GPHN: variants seen among roughly 807,000 people sequenced by gnomAD.
GPHN encodes the protein gephyrin.
A neutral mutation model predicts 95.5 loss-of-function variants in GPHN; 17 were observed. The observed-to-expected ratio is 0.18, with a 90% CI of 0.12 to 0.27. The LOEUF (loss-of-function observed/expected upper bound fraction) is 0.27. Among genes scored for constraint, GPHN ranks in the 10% least tolerant of loss-of-function variants. GPHN has a pLI of 1.00. For synonymous variants in GPHN, 320 were observed against 322.5 expected, an observed-to-expected ratio of 0.99 and a Z score of 0.08; for missense variants, 660 against 978.1, an observed-to-expected ratio of 0.67 and a Z score of 4.34.
At chr14:67,420,459 G>C in the GPHN span, among the ~76,000 whole-genome samples, 55 of 152,346 alleles carry the variant, frequency 3.6e-4, no homozygotes, top group African/African-American at 1.3e-3. Flanking sequence ...AGAGATGGTG[G>C]AAGGATTGAA....
the GPHN span, among the ~76,000 whole-genome samples, chr14:67,420,108 T>G: frequency 6.6e-6 from 1 of 152,292 alleles, no homozygotes; most frequent in South Asian, 2.1e-4. Flanking sequence ...AAGGGCCCTC[T>G]CAGTGCAACA....
chr14:66,766,864 C>G (rs1451737974), intron 2 of GPHN, among the ~76,000 whole-genome samples: 2 of 152,032 alleles, frequency 1.3e-5, no homozygotes, highest in Non-Finnish European at 2.9e-5. Context: ...AATCTTGCCT[C>G]TGCTTCCAGT....
the GPHN span, chr14:67,678,352 C>A: frequency 7.4e-6 from 12 of 1,614,074 alleles, no homozygotes; most frequent in Non-Finnish European, 1.0e-5. Context: ...CAGGTCACAA[C>A]TGACGTCCCA....
the GPHN span, chr14:67,584,229 C>T: frequency 1.8e-6 from 2 of 1,128,352 alleles, no homozygotes; most frequent in Non-Finnish European, 2.6e-6. Flanking sequence ...CAGTAACCAC[C>T]AGAGGTCACT....
chr14:66,540,809 T>A (rs1419686140), intron 1 of GPHN, among the ~76,000 whole-genome samples: 1 of 152,224 alleles, frequency 6.6e-6, no homozygotes, highest in African/African-American at 2.4e-5. Context: ...AGTCTTGCAC[T>A]GTTGTCCAGG....
intron 12 of GPHN, among the ~76,000 whole-genome samples, chr14:67,095,938 A>T (rs985974229): frequency 8.8e-5 from 13 of 147,442 alleles, no homozygotes; most frequent in East Asian, 4.0e-4. Context: ...ATAATAATAA[A>T]AAAACAAAAA....
chr14:67,458,911 G>C, the GPHN span, among the ~76,000 whole-genome samples: 5 of 151,924 alleles, frequency 3.3e-5, no homozygotes, highest in Non-Finnish European at 7.4e-5. Flanking sequence ...TTTTGAGATG[G>C]AGTCTTGCTC....
intron 2 of GPHN, among the ~76,000 whole-genome samples, chr14:66,684,643 A>G (rs1038082702): frequency 9.9e-5 from 15 of 152,238 alleles, no homozygotes; most frequent in Non-Finnish European, 1.8e-4. Context: ...GAATGAACCA[A>G]GTGAGCTATT....
chr14:66,892,595 T>A (rs1056197502), intron 5 of GPHN, among the ~76,000 whole-genome samples: 2 of 152,222 alleles, frequency 1.3e-5, no homozygotes, highest in African/African-American at 4.8e-5. Flanking sequence ...AAAATTATTG[T>A]TAATTCTAAC....
the GPHN span, chr14:67,317,429 A>C: frequency 6.2e-7 from 1 of 1,612,522 alleles, no homozygotes; most frequent in Non-Finnish European, 8.5e-7. Context: ...TGTGCAAAGA[A>C]GAATAAAAAG....
the GPHN span, among the ~76,000 whole-genome samples, chr14:67,582,584 C>T: frequency 1.3e-5 from 2 of 151,968 alleles, no homozygotes; most frequent in Middle Eastern, 3.2e-3. The surrounding 1 kb of genome is among the most constrained non-coding windows in gnomAD (Gnocchi z 5.0). Flanking sequence ...TTTGCGAGGC[C>T]GAGGCGGGCA....
chr14:67,684,204 C>T, the GPHN span, among the ~76,000 whole-genome samples: 2 of 152,226 alleles, frequency 1.3e-5, no homozygotes, highest in South Asian at 4.1e-4. Flanking sequence ...ATAGGCCTCT[C>T]ATAATCTGTC....
the GPHN span, among the ~76,000 whole-genome samples, chr14:67,669,384 C>T: frequency 4.0e-5 from 6 of 151,714 alleles, no homozygotes; most frequent in Non-Finnish European, 8.8e-5. Flanking sequence ...ATCCTCCTGC[C>T]TCAGCCTCCT....
the GPHN span, among the ~76,000 whole-genome samples, chr14:67,356,312 T>C: frequency 6.6e-6 from 1 of 151,396 alleles, no homozygotes; most frequent in Non-Finnish European, 1.5e-5. Context: ...TCCCAGCTAC[T>C]CAGGAGTCTG....
chr14:66,996,673 G>C (rs1282204729), intron 9 of GPHN, among the ~76,000 whole-genome samples: 2 of 151,976 alleles, frequency 1.3e-5, no homozygotes, highest in African/African-American at 4.8e-5. Flanking sequence ...ATCCAAAATT[G>C]ATTATTAAAT....
intron 1 of GPHN, among the ~76,000 whole-genome samples, chr14:66,627,955 G>A (rs1482769930): frequency 3.3e-5 from 5 of 151,918 alleles, no homozygotes; most frequent in African/African-American, 7.3e-5. Context: ...ATTTGGTTAG[G>A]TTTATTTTGT....
At chr14:66,736,505 TCTC>T (rs1261907380) in intron 2 of GPHN, among the ~76,000 whole-genome samples, 1 of 151,646 alleles carries the variant, frequency 6.6e-6, no homozygotes, top group African/African-American at 2.4e-5. Flanking sequence ...TTCAAGTGAT[TCTC>T]CTGCCTCAGC....
chr14:67,377,294 A>G, the GPHN span, among the ~76,000 whole-genome samples: 1 of 152,100 alleles, frequency 6.6e-6, no homozygotes, highest in Non-Finnish European at 1.5e-5. Flanking sequence ...GGGTGCTACT[A>G]GGAAAAATCA....
chr14:67,715,227 G>C, the GPHN span: 1 of 127,900 alleles, frequency 7.8e-6, no homozygotes, highest in Non-Finnish European at 1.7e-5. Flanking sequence ...AAAATAAAAG[G>C]GGGGGAGCCC....
Sources: allele counts gnomAD v4.1 joint callset (sites outside exome capture counted in the v4.1 genomes callset), GRCh38; gene constraint gnomAD v4.1.1; non-coding constraint Gnocchi (gnomAD v3.1); transcripts MANE v1.5; gene names NCBI Gene and HGNC (gene_info 2026-07-23, HGNC 2026-07-21).